Variants in NUFIP2 observed in about 807,000 individuals in gnomAD.
The protein encoded by NUFIP2 is nuclear FMR1 interacting protein 2.
A neutral mutation model predicts 56.9 loss-of-function variants in NUFIP2; 6 were observed. That is an observed-to-expected ratio of 0.11 (90% CI 0.06 to 0.21). NUFIP2 has a LOEUF of 0.21. Among genes scored for constraint, NUFIP2 ranks in the 10% least tolerant of loss-of-function variants. NUFIP2 has a pLI of 1.00. For missense variants in NUFIP2, 828 were observed against 826.8 expected (o/e 1.00, Z -0.02); for synonymous variants, 321 against 298.2 (o/e 1.08, Z -0.79).
intron 2 of NUFIP2, among the ~76,000 whole-genome samples, chr17:29,279,358 A>T (rs1048146562): frequency 3.9e-5 from 6 of 152,142 alleles, no homozygotes; most frequent in East Asian, 1.9e-4. Flanking sequence ...AATTTTTTTT[A>T]AAATTCAGAT....
At chr17:29,271,901 T>C (rs576751811) in intron 2 of NUFIP2, among the ~76,000 whole-genome samples, 2 of 151,916 alleles carry the variant, frequency 1.3e-5, no homozygotes, top group Admixed American at 1.3e-4. Flanking sequence ...TGAAATCCCA[T>C]CTCTACTAAA....
intron 1 of NUFIP2, among the ~76,000 whole-genome samples, chr17:29,290,929 A>C (rs1240003106): frequency 6.6e-6 from 1 of 151,710 alleles, no homozygotes; most frequent in Non-Finnish European, 1.5e-5. Context: ...AACAAGAATA[A>C]TTCTTCCTAA....
chr17:29,268,052 C>A (rs2069049199), intron 2 of NUFIP2, among the ~76,000 whole-genome samples: 1 of 152,094 alleles, frequency 6.6e-6, no homozygotes. Flanking sequence ...GTGCCCGCCA[C>A]CACGCCCAGC....
rs1245153750 is a variant in NUFIP2, at chr17:29,287,112, A to G, written c.882T>C (p.Pro294=). ...TGPGGTSRGK[P]AVGDMLRKSS... ...TTTTCCGAAGCATATCACCCACAGC[A>G]GGTTTTCCTCGACTTGTTCCTCCAG... Residue 294 remains proline, a synonymous_variant, in exon 2 of 4, where the codon CCT becomes CCC. Coordinates refer to ENST00000225388, the MANE Select transcript of NUFIP2 (RefSeq NM_020772.3). The G allele has an allele frequency of 1.2e-6, 2 of 1,614,176 alleles. No individual in the cohort carries two copies. Among genetic ancestry groups the G allele is most frequent in the East Asian group, 2.2e-5 (1 of 44,886 alleles).
At chr17:29,292,886 G>GGC (rs974097941) in intron 1 of NUFIP2, among the ~76,000 whole-genome samples, 2 of 146,204 alleles carry the variant, frequency 1.4e-5, no homozygotes, top group Non-Finnish European at 3.1e-5. Context: ...GGCGACGGGG[G>GGC]GGGGGGCGGC....
At chr17:29,278,256 T>A (rs2069119523) in intron 2 of NUFIP2, among the ~76,000 whole-genome samples, 2 of 120,086 alleles carry the variant, frequency 1.7e-5, no homozygotes, top group Admixed American at 1.5e-4. Context: ...TTTATTATTA[T>A]TTTTTTTTGA....
At chr17:29,274,793 T>C in intron 2 of NUFIP2, among the ~76,000 whole-genome samples, 1 of 151,942 alleles carries the variant, frequency 6.6e-6, no homozygotes, top group East Asian at 1.9e-4. Flanking sequence ...GTGACAATAA[T>C]ATACAGAGAG....
At chr17:29,272,718 A>G (rs936379984) in intron 2 of NUFIP2, among the ~76,000 whole-genome samples, 41 of 152,166 alleles carry the variant, frequency 2.7e-4, no homozygotes, top group Admixed American at 2.2e-3. Flanking sequence ...TGTTTCCATT[A>G]TATTATTGGA....
At chr17:29,267,688 T>C (rs528330534) in intron 2 of NUFIP2, among the ~76,000 whole-genome samples, 158 bp from the exon 3 acceptor site, 4 of 152,334 alleles carry the variant, frequency 2.6e-5, no homozygotes, top group African/African-American at 9.6e-5. Context: ...AAAGCATTCA[T>C]ATTTTCCTAT....
In NUFIP2 at chr17:29,262,947, A is replaced by G. The variant is rs2069012528; in HGVS notation, c.*1592T>C. 1 of 152,562 alleles carries G rather than the reference A, an allele frequency of 6.6e-6. No homozygotes were observed. Among genetic ancestry groups the G allele is most frequent in the Non-Finnish European group, 1.5e-5 (1 of 68,010 alleles). The allele number at this position is 152,562 out of a possible 1,614,324, so 9.5% of individuals were successfully genotyped here. ...AAACAAGAAAACCCATCCATACTAC[A>G]GTCACTCAAAACTGGACATTTCTAG... On this transcript the variant is annotated 3_prime_UTR_variant, in exon 4 of 4. Coordinates refer to ENST00000225388, the MANE Select transcript of NUFIP2 (RefSeq NM_020772.3).
At chr17:29,273,942 G>GAA (rs200704210) in intron 2 of NUFIP2, among the ~76,000 whole-genome samples, 2 of 148,660 alleles carry the variant, frequency 1.3e-5, no homozygotes, top group Non-Finnish European at 3.0e-5. Flanking sequence ...CAAGTTGATT[G>GAA]AAAAAAAAAT....
chr17:29,272,990 C>CA (rs2069085025), intron 2 of NUFIP2, among the ~76,000 whole-genome samples: 1 of 151,646 alleles, frequency 6.6e-6, no homozygotes, highest in Non-Finnish European at 1.5e-5. Context: ...GCTGGGATTA[C>CA]AGGCACACGC....
intron 2 of NUFIP2, among the ~76,000 whole-genome samples, chr17:29,272,283 C>A (rs2069079377): frequency 6.7e-6 from 1 of 149,108 alleles, no homozygotes; most frequent in South Asian, 2.1e-4. Flanking sequence ...CTCTGTCACC[C>A]AGGCTGGAGT....
intron 3 of NUFIP2, among the ~76,000 whole-genome samples, chr17:29,266,001 G>A (rs1000972688): frequency 2.0e-5 from 3 of 151,982 alleles, no homozygotes; most frequent in Non-Finnish European, 4.4e-5. Flanking sequence ...ACGAAGTTTC[G>A]TTCTTGTTGC....
intron 1 of NUFIP2, among the ~76,000 whole-genome samples, chr17:29,291,275 T>TA (rs2153012975): frequency 6.6e-6 from 1 of 152,278 alleles, no homozygotes; most frequent in Non-Finnish European, 1.5e-5. Context: ...TGAGTCCTGA[T>TA]ACATCTAGCT....
At chr17:29,290,500 A>T (rs1174449209) in intron 1 of NUFIP2, among the ~76,000 whole-genome samples, 1 of 151,624 alleles carries the variant, frequency 6.6e-6, no homozygotes, top group Non-Finnish European at 1.5e-5. Context: ...ACTAAAAAAA[A>T]GAAAAAAAAA....
At chr17:29,276,029 A>ATATATATATATATATATATAT (rs2069105914) in intron 2 of NUFIP2, among the ~76,000 whole-genome samples, 1 of 138,140 alleles carries the variant, frequency 7.2e-6, no homozygotes, top group Non-Finnish European at 1.6e-5. Flanking sequence ...CTCCGTCTCA[A>ATATATATATATATATATATAT]ATATATATAT....
chr17:29,277,502 C>A (rs1027939189), intron 2 of NUFIP2, among the ~76,000 whole-genome samples: 3 of 152,116 alleles, frequency 2.0e-5, no homozygotes, highest in Admixed American at 2.0e-4. Flanking sequence ...TAAAATTCAG[C>A]AAGGATGGTG....
chr17:29,280,282 C>G (rs545140121), intron 2 of NUFIP2, among the ~76,000 whole-genome samples: 32 of 152,336 alleles, frequency 2.1e-4, no homozygotes, highest in African/African-American at 7.7e-4. Context: ...CTTCAAATGA[C>G]TTTCAACCAT....
Sources: gnomAD v4.1 joint callset for allele counts (sites outside exome capture counted in the v4.1 genomes callset) on GRCh38, gnomAD v4.1.1 for gene constraint, MANE v1.5 for transcripts, NCBI Gene and HGNC (gene_info 2026-07-23, HGNC 2026-07-21) for gene names.